The following SPATA1 variants were observed in gnomAD, a reference collection of about 807,000 sequenced individuals.
SPATA1 encodes the protein spermatogenesis-associated protein 1.
A neutral mutation model predicts 59.6 loss-of-function variants in SPATA1; 57 were observed. The ratio of observed to expected loss-of-function variants is 0.96; its 90% confidence interval spans 0.77 to 1.19. The LOEUF is 1.19. SPATA1 is among the 50% of genes most tolerant of loss of function. The pLI is 0.00. For missense variants in SPATA1, 448 were observed against 480.7 expected, an observed-to-expected ratio of 0.93 and a Z score of 0.64; for synonymous variants, 147 against 163.9, an observed-to-expected ratio of 0.90 and a Z score of 0.79.
chr1:84,556,859 T>G (rs942776111), downstream of SPATA1, among the ~76,000 whole-genome samples: 4 of 152,134 alleles, frequency 2.6e-5, no homozygotes, highest in African/African-American at 9.7e-5. Context: ...TTTTTAGAAC[T>G]AGACAAAGCC....
rs1684002590 is a variant in SPATA1 at position 84,544,190 on chromosome 1, G to A, written c.718-12G>A. On this transcript the variant is annotated splice_polypyrimidine_tract_variant and intron_variant, in intron 8 of 12. Coordinates refer to ENST00000490879, the Ensembl canonical transcript of SPATA1. ...TGTAGCCGATCTTACTCATTTTCAC[G>A]TTTGCTTACAGACAGCTGAAAAAGA... 4 of 1,534,060 alleles carry A rather than the reference G, an allele frequency of 2.6e-6. No individual in the cohort carries two copies. The highest frequency in any genetic ancestry group is 2.3e-5 in the East Asian group (1 of 43,770).
chr1:84,540,524 T>C (rs577005790), intron 8 of SPATA1, among the ~76,000 whole-genome samples: 2 of 152,324 alleles, frequency 1.3e-5, no homozygotes, highest in East Asian at 3.9e-4. Context: ...CCTTTTCTTG[T>C]CGTTTATTTT....
chr1:84,557,533 CAAA>C (rs56101174), downstream of SPATA1, among the ~76,000 whole-genome samples: 13,881 of 54,662 alleles, frequency 0.25, 918 homozygotes, highest in South Asian at 0.37. Context: ...AACTCCATCT[CAAA>C]AAAAAAAAAA....
intron 4 of SPATA1, among the ~76,000 whole-genome samples, chr1:84,559,623 G>GT (rs1553224284): frequency 1.3e-5 from 2 of 150,544 alleles, no homozygotes; most frequent in Admixed American, 1.3e-4. Flanking sequence ...CTCCATCTCA[G>GT]AAAAAAAAGA....
At chr1:84,518,863 CT>C (rs1682900392) in intron 2 of SPATA1, among the ~76,000 whole-genome samples, 1 of 152,030 alleles carries the variant, frequency 6.6e-6, no homozygotes, top group Non-Finnish European at 1.5e-5. Flanking sequence ...TCCCATTCTT[CT>C]TTACCCTGCC....
intron 4 of SPATA1, among the ~76,000 whole-genome samples, chr1:84,561,508 TA>T (rs1684593461): frequency 6.6e-6 from 1 of 152,254 alleles, no homozygotes; most frequent in Admixed American, 6.5e-5. Flanking sequence ...ATAAACTTAT[TA>T]ATAAAGCAGC....
Position 84,544,312 on chromosome 1 carries a change from T to C in SPATA1, c.820+8T>C, listed in dbSNP as rs1221403782. On this transcript the variant is annotated splice_region_variant and intron_variant, in intron 9 of 12. Coordinates refer to ENST00000490879, the Ensembl canonical transcript of SPATA1. ...CTTTATTACAAACTGAAAGTAAGTA[T>C]AGTGCAATCGTAAGTACAGATGATT... is the stretch of plus-strand genomic sequence containing the variant. 6.5e-7 allele frequency: 1 copy of C among 1,539,724 alleles called. No homozygotes were observed. Among genetic ancestry groups the C allele is most frequent in the African/African-American group, 1.4e-5 (1 of 73,292 alleles).
rs1204459401 is a variant in SPATA1, at chr1:84,507,507, G to A, written c.-138+1089G>A. Among the ~76,000 whole-genome samples the A allele has an allele frequency of 3.3e-5, 5 of 152,168 alleles. No individual in the cohort carries two copies. In the East Asian group the frequency reaches 7.7e-4, roughly 23 times the overall value. ...ATTTCAAAGTAAATTATACAGCTTCGTAGAGTTGTTTTTCGGAATGAAATG... is the reference window on the plus strand; with the variant it reads ...ATTTCAAAGTAAATTATACAGCTTCATAGAGTTGTTTTTCGGAATGAAATG... On this transcript the variant is annotated intron_variant, in intron 1 of 12. Coordinates refer to ENST00000490879, the Ensembl canonical transcript of SPATA1.
chr1:84,564,955 C>T (rs1684664148), intron 4 of SPATA1, among the ~76,000 whole-genome samples: 1 of 151,994 alleles, frequency 6.6e-6, no homozygotes, highest in Non-Finnish European at 1.5e-5. Context: ...TGGGGGATCA[C>T]TTAAGCCCAG....
At chr1:84,525,149 T>C (rs988559500) in intron 4 of SPATA1, among the ~76,000 whole-genome samples, 1 of 152,144 alleles carries the variant, frequency 6.6e-6, no homozygotes, top group African/African-American at 2.4e-5. Context: ...ATATTTTTAG[T>C]AGAGATGGGG....
chr1:84,522,912 T>A (rs1683082851), intron 4 of SPATA1, among the ~76,000 whole-genome samples: 1 of 95,672 alleles, frequency 1.0e-5, no homozygotes, highest in East Asian at 2.9e-4. Flanking sequence ...TGGTGTCAAC[T>A]TTTTTTTTTT....
chr1:84,511,279 C>A (rs1244400446), intron 1 of SPATA1, among the ~76,000 whole-genome samples: 1 of 152,190 alleles, frequency 6.6e-6, no homozygotes, highest in Non-Finnish European at 1.5e-5. Context: ...TATACACCTA[C>A]TACATGCCCA....
intron 4 of SPATA1, among the ~76,000 whole-genome samples, chr1:84,560,361 A>C (rs1046150788): frequency 4.6e-5 from 7 of 152,136 alleles, no homozygotes; most frequent in Non-Finnish European, 1.0e-4. Flanking sequence ...AGGCCAAGAA[A>C]AATCTGAACA....
intron 12 of SPATA1, chr1:84,551,172 G>A: frequency 1.0e-6 from 1 of 985,180 alleles, no homozygotes; most frequent in Non-Finnish European, 1.2e-6. Context: ...ACAGAAAACA[G>A]AAGATTATAC....
chr1:84,545,936 TATAGA>T (rs1350894453), intron 10 of SPATA1, among the ~76,000 whole-genome samples, 177 bp downstream of exon 10: 1 of 151,768 alleles, frequency 6.6e-6, no homozygotes, highest in African/African-American at 2.4e-5. Flanking sequence ...AACTCTACTT[TATAGA>T]ATAAATGCTT....
exon 6 of SPATA1, chr1:84,525,936 C>G: frequency 6.2e-7 from 1 of 1,613,658 alleles, no homozygotes; most frequent in Admixed American, 1.7e-5. Flanking sequence ...GAGCGGCAGA[C>G]TAATAATGGT....
At chr1:84,565,195 C>T (rs1684667887) in intron 4 of SPATA1, among the ~76,000 whole-genome samples, 1 of 151,168 alleles carries the variant, frequency 6.6e-6, no homozygotes, top group Non-Finnish European at 1.5e-5. Flanking sequence ...TGAGACCCTG[C>T]TCAAAAAAAT....
At chr1:84,561,487 T>C (rs1684593301) in intron 4 of SPATA1, among the ~76,000 whole-genome samples, 1 of 152,238 alleles carries the variant, frequency 6.6e-6, no homozygotes, top group Admixed American at 6.5e-5. Context: ...GCAAAGGATT[T>C]AGAATATTCT....
At chr1:84,554,934 T>C, downstream of SPATA1, 4 of 1,269,474 alleles carry the variant, frequency 3.2e-6, no homozygotes, top group South Asian at 1.3e-5. Flanking sequence ...ATAATAAAAA[T>C]GCAAGAAACT....
Sources: gnomAD v4.1 joint callset for allele counts (sites outside exome capture counted in the v4.1 genomes callset) on GRCh38, gnomAD v4.1.1 for gene constraint, MANE v1.5 for transcripts, NCBI Gene and HGNC (gene_info 2026-07-23, HGNC 2026-07-21) for gene names.